CNNM2: variants seen among roughly 807,000 people sequenced by gnomAD.
The protein encoded by CNNM2 is cyclin and CBS domain divalent metal cation transport mediator 2.
In CNNM2, 12 loss-of-function variants were observed where a neutral mutation model predicts 66.9. The ratio of observed to expected loss-of-function variants is 0.18; its 90% confidence interval spans 0.11 to 0.29. CNNM2 has a LOEUF of 0.29. Ranked by LOEUF, CNNM2 falls within the 10% of genes least tolerant of loss-of-function variation. The pLI is 1.00. For missense variants in CNNM2, 705 were observed against 1,167.7 expected (o/e 0.60, Z 5.77); for synonymous variants, 557 against 501.8 (o/e 1.11, Z -1.47).
chr10:102,975,486 A>AAAC (rs1160233080), intron 1 of CNNM2, among the ~76,000 whole-genome samples: 4 of 151,458 alleles, frequency 2.6e-5, no homozygotes, highest in Admixed American at 1.3e-4. Context: ...AAAAAAAAAA[A>AAAC]AACAAACCTC....
intron 3 of CNNM2, among the ~76,000 whole-genome samples, chr10:103,056,010 C>T (rs953814423): frequency 1.3e-5 from 2 of 151,934 alleles, no homozygotes; most frequent in Non-Finnish European, 2.9e-5. Flanking sequence ...ATCACTTGAA[C>T]CCGGGAGGTG....
rs566072572 is a variant in CNNM2 at position 103,052,456 on chromosome 10, T to C, written c.1766-1873T>C. On this transcript the variant is annotated intron_variant, in intron 2 of 7. Coordinates refer to ENST00000369878, the MANE Select transcript of CNNM2 (RefSeq NM_017649.5). The stretch of plus-strand genomic sequence containing the variant: ...TTAAGCCTTGATTGGACTGATCTCA[T>C]ACAGAAGTGTTGCCTGATGTTACTG... Among the ~76,000 whole-genome samples, 5 of 152,220 alleles carry C rather than the reference T, an allele frequency of 3.3e-5. No individual in the cohort carries two copies. In the East Asian group the frequency reaches 9.6e-4, roughly 29 times the overall value.
chr10:103,063,904 A>G (rs544281726), intron 4 of CNNM2, among the ~76,000 whole-genome samples: 1 of 152,352 alleles, frequency 6.6e-6, no homozygotes, highest in African/African-American at 2.4e-5. Context: ...CAGGTAAGCC[A>G]TCTCCTCCTG....
At chr10:102,972,036 C>T (rs1590331027) in intron 1 of CNNM2, among the ~76,000 whole-genome samples, 1 of 152,082 alleles carries the variant, frequency 6.6e-6, no homozygotes, top group African/African-American at 2.4e-5. Flanking sequence ...ATATTTCTTA[C>T]AATTGATCGT....
At position 103,087,823 on chromosome 10, in the gene CNNM2, AATGT is replaced by A. The variant is rs1374527335; in HGVS notation, c.*10652_*10655del. The A allele has an allele frequency of 2.6e-5, 4 of 152,214 alleles. No homozygotes were observed. The East Asian group carries it at 7.7e-4, about 29-fold the overall frequency. 9.4% of individuals were successfully genotyped at this position (152,214 alleles called of 1,614,324 possible). The stretch of plus-strand genomic sequence containing the variant: ...TATATTCCCAATATATACCATTTAG[AATGT>A]ATGTATGTTTCTTGGATGACTTAAT... On this transcript the variant is annotated 3_prime_UTR_variant, in exon 8 of 8. Transcript: ENST00000369878.
At chr10:103,051,161 A>G (rs534162702) in intron 2 of CNNM2, among the ~76,000 whole-genome samples, 52 of 152,314 alleles carry the variant, frequency 3.4e-4, no homozygotes, top group African/African-American at 1.2e-3. Context: ...CTAGAAGGAA[A>G]CATCCCACAT....
intron 1 of CNNM2, chr10:102,927,333 TG>T: frequency 6.8e-6 from 11 of 1,613,856 alleles, no homozygotes; most frequent in Non-Finnish European, 9.3e-6. Flanking sequence ...CATCTCTTTT[TG>T]TTTTTCTCAG....
chr10:103,053,971 T>G (rs113407073), intron 2 of CNNM2, among the ~76,000 whole-genome samples: 1 of 152,308 alleles, frequency 6.6e-6, no homozygotes, highest in East Asian at 1.9e-4. Context: ...CAGTGGACTG[T>G]GCACTCCAGG....
intron 1 of CNNM2, among the ~76,000 whole-genome samples, chr10:103,034,921 G>C (rs1272750660): frequency 6.8e-6 from 1 of 146,574 alleles, no homozygotes; most frequent in African/African-American, 2.5e-5. Flanking sequence ...AGCCGAGATT[G>C]CGCCACTGCA....
At position 103,018,209 on chromosome 10, in the gene CNNM2, C is replaced by T. The variant is rs562585483; in HGVS notation, c.1622-31498C>T. Among the ~76,000 whole-genome samples, 3 of 151,908 alleles carry T rather than the reference C, an allele frequency of 2.0e-5. No individual in the cohort carries two copies. In the South Asian group the frequency reaches 6.2e-4, roughly 32 times the overall value. On this transcript the variant is annotated intron_variant, in intron 1 of 7. Transcript: ENST00000369878. Reference sequence around the variant, plus strand: ...GGGGAGAAAGAATAGTGACTTGGACCAAGAGGGTAGAGGTATGGGGGTGGT... The same window carrying T: ...GGGGAGAAAGAATAGTGACTTGGACTAAGAGGGTAGAGGTATGGGGGTGGT...
chr10:103,055,536 A>G (rs1031639523), intron 3 of CNNM2, among the ~76,000 whole-genome samples: 3 of 152,272 alleles, frequency 2.0e-5, no homozygotes, highest in Non-Finnish European at 4.4e-5. Context: ...GTGCCTGGGC[A>G]TGGCACTGGA....
intron 1 of CNNM2, among the ~76,000 whole-genome samples, chr10:102,935,158 CAAAAAAAAAAAA>C (rs71753183): frequency 2.2e-4 from 18 of 82,480 alleles, no homozygotes; most frequent in South Asian, 4.1e-4. Context: ...GACTCCATCT[CAAAAAAAAAAAA>C]AAAAAAAAAA....
rs1400910453 is a variant in CNNM2, at chr10:103,081,930, T to C, written c.*4750T>C. Reference sequence around the variant, plus strand: ...ACCACTGTGGTTGGCTCAGCTCAAGTAAGCACGTTCTCTCTGTATGCTAGA... The same window carrying C: ...ACCACTGTGGTTGGCTCAGCTCAAGCAAGCACGTTCTCTCTGTATGCTAGA... On this transcript the variant is annotated 3_prime_UTR_variant, in exon 8 of 8. Transcript: ENST00000369878. 1.3e-5 allele frequency: 2 copies of C among 152,240 alleles called. No individual in the cohort carries two copies. Among genetic ancestry groups the C allele is most frequent in the East Asian group, 1.9e-4 (1 of 5,202 alleles). The allele number at this position is 152,240 out of a possible 1,614,324, so 9.4% of individuals were successfully genotyped here.
At chr10:103,041,244 C>T (rs965113298) in intron 1 of CNNM2, among the ~76,000 whole-genome samples, 23 of 152,122 alleles carry the variant, frequency 1.5e-4, no homozygotes, top group Admixed American at 3.3e-4. Context: ...CGGCTCTTTC[C>T]GGTGGTAGTT....
intron 1 of CNNM2, among the ~76,000 whole-genome samples, chr10:102,969,588 CG>C (rs1183301780): frequency 2.0e-5 from 3 of 152,072 alleles, no homozygotes; most frequent in Non-Finnish European, 4.4e-5. Flanking sequence ...TAAATTATTT[CG>C]GCTATTTCAG....
At chr10:103,045,275 A>C (rs1423131462) in intron 1 of CNNM2, among the ~76,000 whole-genome samples, 1 of 152,174 alleles carries the variant, frequency 6.6e-6, no homozygotes, top group Admixed American at 6.5e-5. Context: ...CCTCTGCTCA[A>C]AATGTTTTCA....
chr10:103,024,962 A>G (rs1272245630), intron 1 of CNNM2, among the ~76,000 whole-genome samples: 2 of 152,222 alleles, frequency 1.3e-5, no homozygotes, highest in Non-Finnish European at 2.9e-5. Context: ...TACTTTATAA[A>G]GGATGAAATA....
Position 103,000,439 on chromosome 10 carries a change from G to A in CNNM2, c.1622-49268G>A, listed in dbSNP as rs1342006889. ...GTACACCCCTTTGATTTTTTTGTGTGTGTTTTATTTTATTTTATTTTTTAT... is the reference window on the plus strand; with the variant it reads ...GTACACCCCTTTGATTTTTTTGTGTATGTTTTATTTTATTTTATTTTTTAT... On this transcript the variant is annotated intron_variant, in intron 1 of 7. Transcript: ENST00000369878. Among the ~76,000 whole-genome samples the A allele has an allele frequency of 2.6e-5, 4 of 151,874 alleles. No homozygotes were observed. The East Asian group carries it at 5.8e-4, about 22-fold the overall frequency.
intron 1 of CNNM2, among the ~76,000 whole-genome samples, chr10:102,982,560 T>G (rs1480108884): frequency 6.6e-6 from 1 of 152,252 alleles, no homozygotes; most frequent in African/African-American, 2.4e-5. Flanking sequence ...TTGGGCTGTT[T>G]GCTCGGCCTA....
Sources: gnomAD v4.1 joint callset for allele counts (sites outside exome capture counted in the v4.1 genomes callset) on GRCh38, gnomAD v4.1.1 for gene constraint, MANE v1.5 for transcripts, NCBI Gene and HGNC (gene_info 2026-07-23, HGNC 2026-07-21) for gene names.